The following GLIS3 variants were observed in gnomAD, a reference collection of about 807,000 sequenced individuals.
The protein encoded by GLIS3 is zinc finger protein GLIS3.
GLIS3 carries 53 observed loss-of-function variants against 78.6 expected under a neutral mutation model. That is an observed-to-expected ratio of 0.67 (90% CI 0.54 to 0.85). GLIS3 has a LOEUF of 0.85. Among genes scored for constraint, GLIS3 ranks in the 40% least tolerant of loss-of-function variants. The pLI is 0.00. For missense variants in GLIS3, 1,703 were observed against 1,231.1 expected (o/e 1.38, Z -5.74); for synonymous variants, 684 against 509.9 (o/e 1.34, Z -4.60).
chr9:4,215,552 A>G (rs143165615), intron 2 of GLIS3, among the ~76,000 whole-genome samples: 9 of 152,232 alleles, frequency 5.9e-5, no homozygotes, highest in African/African-American at 2.2e-4. Context: ...CTCTGCTTTC[A>G]TTTTCCAAAT....
the GLIS3 span, among the ~76,000 whole-genome samples, chr9:4,397,714 G>A: frequency 3.8e-5 from 4 of 104,420 alleles, no homozygotes; most frequent in African/African-American, 1.4e-4. Flanking sequence ...GGAAGGCAGG[G>A]AGGGAGGGAG....
At chr9:4,260,209 G>A (rs1452655121) in intron 2 of GLIS3, among the ~76,000 whole-genome samples, 1 of 152,212 alleles carries the variant, frequency 6.6e-6, no homozygotes, top group Non-Finnish European at 1.5e-5. Flanking sequence ...GAGGCAGGCG[G>A]ATCACAAGGT....
intron 2 of GLIS3, among the ~76,000 whole-genome samples, chr9:4,198,755 T>A (rs1284678364): frequency 6.6e-6 from 1 of 151,940 alleles, no homozygotes; most frequent in Non-Finnish European, 1.5e-5. Flanking sequence ...CCAAGACATA[T>A]AGTCACCAGA....
chr9:4,168,476 T>C (rs1162318087), intron 2 of GLIS3, among the ~76,000 whole-genome samples: 4 of 152,168 alleles, frequency 2.6e-5, no homozygotes. Context: ...AGTCACTAAA[T>C]GAACGTCACT....
chr9:3,867,836 A>G (rs1466502678), intron 8 of GLIS3, among the ~76,000 whole-genome samples: 1 of 152,016 alleles, frequency 6.6e-6, no homozygotes, highest in Admixed American at 6.6e-5. Flanking sequence ...AATCTTGAAT[A>G]TCTGTGGAAG....
chr9:4,294,025 T>G (rs1554650829), intron 1 of GLIS3, among the ~76,000 whole-genome samples: 1 of 152,220 alleles, frequency 6.6e-6, no homozygotes, highest in Non-Finnish European at 1.5e-5. Context: ...CAAACCGCCT[T>G]AGAGTCCAGC....
intron 2 of GLIS3, among the ~76,000 whole-genome samples, chr9:4,223,055 A>C (rs1821468621): frequency 6.6e-6 from 1 of 152,154 alleles, no homozygotes; most frequent in Non-Finnish European, 1.5e-5. Context: ...TCACTTTTTG[A>C]GTACAGACAT....
chr9:4,403,072 G>C, the GLIS3 span, among the ~76,000 whole-genome samples: 108,716 of 152,042 alleles, frequency 0.72, 38,986 homozygotes, highest in South Asian at 0.81. Context: ...AAAGCAGCAA[G>C]AGAAAAGACA....
At chr9:4,409,124 T>A in the GLIS3 span, among the ~76,000 whole-genome samples, 1 of 152,204 alleles carries the variant, frequency 6.6e-6, no homozygotes, top group Non-Finnish European at 1.5e-5. Context: ...AATGTTGTAA[T>A]CCTGTTAAAT....
At chr9:4,214,672 G>T (rs1241429822) in intron 2 of GLIS3, among the ~76,000 whole-genome samples, 1 of 152,160 alleles carries the variant, frequency 6.6e-6, no homozygotes, top group African/African-American at 2.4e-5. Context: ...CTGTCATAAA[G>T]TCTCTAAGGA....
chr9:4,159,738 GA>G (rs1835336010), intron 2 of GLIS3, among the ~76,000 whole-genome samples: 8 of 151,420 alleles, frequency 5.3e-5, no homozygotes, highest in South Asian at 4.2e-4. Context: ...AAAAAAGAAA[GA>G]AAAGAAAAGA....
At chr9:4,421,072 A>G in the GLIS3 span, among the ~76,000 whole-genome samples, 1 of 152,248 alleles carries the variant, frequency 6.6e-6, no homozygotes, top group Non-Finnish European at 1.5e-5. Context: ...AGTGAATTTG[A>G]CATCTTCACC....
chr9:4,418,193 T>A, the GLIS3 span, among the ~76,000 whole-genome samples: 7 of 152,324 alleles, frequency 4.6e-5, no homozygotes, highest in African/African-American at 1.4e-4. Context: ...CAGATGTCCT[T>A]TGAAGAAGCT....
At chr9:4,043,460 G>C (rs1178662027) in intron 4 of GLIS3, among the ~76,000 whole-genome samples, 2 of 152,062 alleles carry the variant, frequency 1.3e-5, no homozygotes, top group Admixed American at 6.5e-5. Context: ...GGTACGGCTG[G>C]TTTGGGGTGA....
At chr9:4,242,609 A>G (rs1823422425) in intron 2 of GLIS3, among the ~76,000 whole-genome samples, 1 of 152,140 alleles carries the variant, frequency 6.6e-6, no homozygotes, top group African/African-American at 2.4e-5. Flanking sequence ...TTAAAAGGTA[A>G]CATGCTCCCT....
chr9:4,068,720 A>T (rs973999503), intron 4 of GLIS3, among the ~76,000 whole-genome samples: 1 of 152,156 alleles, frequency 6.6e-6, no homozygotes, highest in Non-Finnish European at 1.5e-5. Context: ...AAGTAAGGAG[A>T]CAGAGCCTAG....
intron 4 of GLIS3, among the ~76,000 whole-genome samples, chr9:4,024,145 C>T (rs753160914): frequency 6.0e-4 from 91 of 152,112 alleles, no homozygotes; most frequent in Non-Finnish European, 5.6e-4. Context: ...ATGCCAAGAG[C>T]CAGAGCGAGG....
chr9:4,069,748 T>C (rs1230070634), intron 4 of GLIS3, among the ~76,000 whole-genome samples: 2 of 152,158 alleles, frequency 1.3e-5, no homozygotes, highest in African/African-American at 2.4e-5. Context: ...AAGAGCCTTT[T>C]ACAGCTGTTT....
intron 4 of GLIS3, among the ~76,000 whole-genome samples, chr9:3,961,579 G>A (rs1005794168): frequency 3.3e-5 from 5 of 152,182 alleles, no homozygotes; most frequent in African/African-American, 1.2e-4. Flanking sequence ...CATTCAATAG[G>A]AAGAAGGAAA....
Sources: gnomAD v4.1 joint callset for allele counts (sites outside exome capture counted in the v4.1 genomes callset) on GRCh38, gnomAD v4.1.1 for gene constraint, MANE v1.5 for transcripts, NCBI Gene and HGNC (gene_info 2026-07-23, HGNC 2026-07-21) for gene names.